The following PLEKHA7 variants were observed in gnomAD, a reference collection of about 807,000 sequenced individuals.
PLEKHA7 encodes pleckstrin homology domain containing A7.
In PLEKHA7, 104 loss-of-function variants were observed where a neutral mutation model predicts 170.0. The ratio of observed to expected loss-of-function variants is 0.61; its 90% CI spans 0.52 to 0.72. The LOEUF is 0.72. Ranked by LOEUF, PLEKHA7 falls within the 30% of genes least tolerant of loss-of-function variation. PLEKHA7 has a pLI of 0.00. For synonymous variants in PLEKHA7, 648 were observed against 660.8 expected, an observed-to-expected ratio of 0.98 and a Z score of 0.30; for missense variants, 1,615 against 1,671.7, an observed-to-expected ratio of 0.97 and a Z score of 0.59.
chr11:16,981,182 C>T (rs780110395), intron 3 of PLEKHA7, among the ~76,000 whole-genome samples: 12 of 152,142 alleles, frequency 7.9e-5, no homozygotes, highest in Admixed American at 3.9e-4. Flanking sequence ...ATGACCAGGA[C>T]ATAAGATTAA....
At chr11:16,822,671 C>T (rs76073830) in intron 10 of PLEKHA7, among the ~76,000 whole-genome samples, 2,399 of 152,278 alleles carry the variant, frequency 0.016, 69 homozygotes, top group African/African-American at 0.056. Flanking sequence ...GGTGACTTAG[C>T]TTTTGCCTGA....
At chr11:17,013,920 C>T in intron 3 of PLEKHA7, 69 bp downstream of exon 3, 1 of 1,453,914 alleles carries the variant, frequency 6.9e-7, no homozygotes, top group South Asian at 1.3e-5. Context: ...GGGCGGGGCG[C>T]CCGGCGGGAA....
At chr11:16,961,545 C>G (rs1036603464) in intron 3 of PLEKHA7, among the ~76,000 whole-genome samples, 1 of 152,346 alleles carries the variant, frequency 6.6e-6, no homozygotes, top group East Asian at 1.9e-4. Context: ...GCACCCACCC[C>G]TGGCTGTGCC....
intron 3 of PLEKHA7, among the ~76,000 whole-genome samples, chr11:16,945,678 A>G (rs978428298): frequency 1.3e-5 from 2 of 152,152 alleles, no homozygotes; most frequent in Non-Finnish European, 2.9e-5. Context: ...AATATCTGGC[A>G]CTCTGTGGAG....
intron 4 of PLEKHA7, among the ~76,000 whole-genome samples, chr11:16,863,809 A>G (rs1429679557): frequency 6.6e-6 from 1 of 152,178 alleles, no homozygotes; most frequent in Non-Finnish European, 1.5e-5. Flanking sequence ...TCTTTTAGCC[A>G]GAAAGGGTCT....
chr11:17,013,049 G>C (rs1243925593), intron 3 of PLEKHA7: 1 of 152,254 alleles, frequency 6.6e-6, no homozygotes, highest in East Asian at 1.9e-4. Flanking sequence ...CCTTTGGCGA[G>C]CTGATTCATT....
chr11:16,872,125 C>G (rs376661119), intron 3 of PLEKHA7, among the ~76,000 whole-genome samples: 1 of 151,958 alleles, frequency 6.6e-6, no homozygotes, highest in Admixed American at 6.6e-5. Flanking sequence ...TGCACTACCA[C>G]GCCCGGCTTA....
intron 3 of PLEKHA7, among the ~76,000 whole-genome samples, chr11:16,988,845 T>C (rs1252993605): frequency 6.6e-6 from 1 of 152,244 alleles, no homozygotes; most frequent in Non-Finnish European, 1.5e-5. Context: ...TTTCTCCCTG[T>C]AGCTTTCACA....
At chr11:16,937,147 C>T (rs961353156) in intron 3 of PLEKHA7, among the ~76,000 whole-genome samples, 3 of 152,180 alleles carry the variant, frequency 2.0e-5, no homozygotes, top group African/African-American at 7.2e-5. Context: ...AGATGGCCAC[C>T]AAGCTCTCTG....
rs555412788 is a variant in PLEKHA7 at position 16,789,176 on chromosome 11, T to A, written c.3277A>T (p.Arg1093Trp). Residue 1093 changes from arginine (R) to tryptophan (W), a missense_variant, in exon 23 of 27, where the codon AGG becomes TGG. Coordinates refer to ENST00000531066, the MANE Select transcript of PLEKHA7 (RefSeq NM_001329630.2). The surrounding 1 kb of genome is among the most constrained non-coding windows in gnomAD (Gnocchi z 4.6). ...GTCCTCTCCCCTTGGCCCAGTGTCC[T>A]CTTGCGCTCTCGGACCAGGGCCTTC... ...HQKALVRERKRTLGQGERTGL... is the reference protein window; with the variant it reads ...HQKALVRERKWTLGQGERTGL... 6.8e-6 allele frequency: 11 copies of A among 1,612,776 alleles called. No individual in the cohort carries two copies. The South Asian group carries it at 1.1e-4, about 16-fold the overall frequency.
intron 8 of PLEKHA7, among the ~76,000 whole-genome samples, chr11:16,850,447 T>C (rs1306227602): frequency 1.3e-5 from 2 of 152,206 alleles, no homozygotes; most frequent in African/African-American, 4.8e-5. Context: ...ACCCCATCCT[T>C]ACCTTCCCTG....
chr11:16,782,643 C>T (rs1179708988), intron 26 of PLEKHA7, 111 bp downstream of exon 26: 7 of 1,374,956 alleles, frequency 5.1e-6, no homozygotes, highest in Middle Eastern at 2.5e-4. Flanking sequence ...CCCTCAACTA[C>T]CATCCTTGAC....
rs2135695017 is a variant in PLEKHA7 at position 16,872,762 on chromosome 11, A to G, written c.222-1580T>C. The stretch of plus-strand genomic sequence containing the variant: ...TCTCAACCCTAGGCTCAAGTGATCC[A>G]CCAGGCTTACCTCCCAAAGCGTTAG... On this transcript the variant is annotated intron_variant, in intron 3 of 26. Transcript: ENST00000531066. 2.0e-5 allele frequency among the ~76,000 whole-genome samples: 3 copies of G among 152,108 alleles called. 1 individual carries two copies. The East Asian group carries it at 5.8e-4, about 29-fold the overall frequency.
At chr11:16,816,439 G>T (rs1191542916) in intron 11 of PLEKHA7, among the ~76,000 whole-genome samples, 175 bp from the exon 12 acceptor site, 1 of 152,184 alleles carries the variant, frequency 6.6e-6, no homozygotes, top group Non-Finnish European at 1.5e-5. Context: ...CTTGGAAAGT[G>T]AAAACTTAAG....
At chr11:17,002,641 A>G (rs1465297287) in intron 3 of PLEKHA7, among the ~76,000 whole-genome samples, 2 of 152,110 alleles carry the variant, frequency 1.3e-5, no homozygotes, top group Admixed American at 6.5e-5. Context: ...CAACAAATGC[A>G]TTTTTCAACT....
At chr11:16,807,062 TG>T in intron 13 of PLEKHA7, 3 of 645,422 alleles carry the variant, frequency 4.6e-6, no homozygotes, top group Non-Finnish European at 5.8e-6. Context: ...GGAGAGCAAC[TG>T]GTTAAGCAAG....
At chr11:16,966,052 G>A (rs562264637) in intron 3 of PLEKHA7, among the ~76,000 whole-genome samples, 6 of 152,242 alleles carry the variant, frequency 3.9e-5, no homozygotes, top group South Asian at 2.1e-4. Context: ...GAGTGGTGGC[G>A]CGTGCCTATA....
intron 17 of PLEKHA7, among the ~76,000 whole-genome samples, chr11:16,799,989 T>C (rs1016374130): frequency 1.3e-5 from 2 of 152,200 alleles, no homozygotes; most frequent in African/African-American, 4.8e-5. Flanking sequence ...TTCAACTTTC[T>C]GGGGTGAGGC....
chr11:16,826,232 C>T lies in PLEKHA7; in HGVS notation c.1231G>A (p.Gly411Arg), dbSNP rs1850631147. 1 of 1,614,102 alleles carries T rather than the reference C, an allele frequency of 6.2e-7. No individual in the cohort carries two copies. Among genetic ancestry groups the T allele is most frequent in the Non-Finnish European group, 8.5e-7 (1 of 1,180,054 alleles). ...YGPGEQNGTG[G>R]YQRAFPPRTN... The stretch of plus-strand genomic sequence containing the variant: ...CTGGGAGGAAAGGCCCGCTGGTACC[C>T]ACCAGTCCCATTCTGTTCTCCTGGG... The change falls in exon 10 of 27, where the codon GGG (glycine) becomes AGG (arginine). Residue 411 changes from glycine (G) to arginine (R), a missense_variant. By Grantham distance (125) the Gly-to-Arg change is moderately radical (BLOSUM62 -2). Transcript: ENST00000531066.
Sources: allele counts gnomAD v4.1 joint callset (sites outside exome capture counted in the v4.1 genomes callset), GRCh38; gene constraint gnomAD v4.1.1; non-coding constraint Gnocchi (gnomAD v3.1); transcripts MANE v1.5; gene names NCBI Gene and HGNC (gene_info 2026-07-23, HGNC 2026-07-21).